ARHGAP40: variants seen among roughly 807,000 people sequenced by gnomAD.
ARHGAP40 encodes Rho GTPase activating protein 40, also known as rho GTPase-activating protein 40.
In ARHGAP40, 43 loss-of-function variants were observed where a neutral mutation model predicts 73.5. The observed-to-expected ratio is 0.58, with a 90% confidence interval of 0.46 to 0.75. The LOEUF (loss-of-function observed/expected upper bound fraction) is 0.75. Among genes scored for constraint, ARHGAP40 ranks in the 30% least tolerant of loss-of-function variants. ARHGAP40 has a pLI of 0.00. For synonymous variants in ARHGAP40, 300 were observed against 352.8 expected, an observed-to-expected ratio of 0.85 and a Z score of 1.68; for missense variants, 734 against 861.8, an observed-to-expected ratio of 0.85 and a Z score of 1.86.
chr20:38,616,282 T>C (rs1467428436), intron 1 of ARHGAP40, among the ~76,000 whole-genome samples: 3 of 152,242 alleles, frequency 2.0e-5, no homozygotes, highest in South Asian at 4.1e-4. Context: ...CTGTTGCTCT[T>C]CCAGCCTTCC....
chr20:38,620,526 C>T (rs1238548408), intron 1 of ARHGAP40, among the ~76,000 whole-genome samples: 2 of 152,158 alleles, frequency 1.3e-5, no homozygotes, highest in East Asian at 1.9e-4. Flanking sequence ...CAAATTGTCA[C>T]GAAAACACAC....
chr20:38,632,767 G>A (rs2088949285), intron 5 of ARHGAP40, among the ~76,000 whole-genome samples: 1 of 151,872 alleles, frequency 6.6e-6, no homozygotes, highest in Non-Finnish European at 1.5e-5. Context: ...CTTGAGGCCA[G>A]AAATTCGAGA....
At chr20:38,615,143 C>T in intron 1 of ARHGAP40, 1 of 957,546 alleles carries the variant, frequency 1.0e-6, no homozygotes, top group South Asian at 1.3e-5. Flanking sequence ...TTTCGTCTGC[C>T]TTCGGGATGT....
chr20:38,640,165 T>TCC (rs1299841582), intron 9 of ARHGAP40, among the ~76,000 whole-genome samples: 3 of 48,880 alleles, frequency 6.1e-5, no homozygotes, highest in African/African-American at 1.6e-4. Flanking sequence ...TCTTTCTTCT[T>TCC]TCTTCTTCTT....
intron 1 of ARHGAP40, among the ~76,000 whole-genome samples, chr20:38,621,707 G>C (rs903506234): frequency 4.6e-5 from 7 of 152,116 alleles, no homozygotes; most frequent in Non-Finnish European, 1.0e-4. Context: ...TGCATTGCTG[G>C]GAATTTTTAC....
chr20:38,629,423 T>G, intron 4 of ARHGAP40, 79 bp from the exon 5 acceptor site: 2 of 1,277,130 alleles, frequency 1.6e-6, no homozygotes, highest in Non-Finnish European at 2.1e-6. Flanking sequence ...ACTAAGGGCC[T>G]AAGTCCCGAA....
In ARHGAP40 at chr20:38,607,837, C is replaced by T. The variant is rs573693735; in HGVS notation, c.137+5758C>T. Among the ~76,000 whole-genome samples the T allele has an allele frequency of 6.0e-4, 92 of 152,274 alleles. No homozygotes were observed. The South Asian group carries it at 0.016, about 27-fold the overall frequency. ...TATTTCGCATTGCCCTGATTACTTGCGAGGCTCCACATCTTTTCACATAGG... is the reference window on the plus strand; with the variant it reads ...TATTTCGCATTGCCCTGATTACTTGTGAGGCTCCACATCTTTTCACATAGG... On this transcript the variant is annotated intron_variant, in intron 1 of 14. Transcript: ENST00000373345.
chr20:38,613,788 G>A (rs1344087541), intron 1 of ARHGAP40, among the ~76,000 whole-genome samples: 2 of 152,164 alleles, frequency 1.3e-5, no homozygotes, highest in African/African-American at 4.8e-5. Flanking sequence ...TTTTATTCTT[G>A]TTGTCTATAA....
At chr20:38,647,200 C>A in intron 13 of ARHGAP40, 74 bp downstream of exon 13, 1 of 1,217,528 alleles carries the variant, frequency 8.2e-7, no homozygotes, top group Non-Finnish European at 1.1e-6. Context: ...TGAAGGCCAC[C>A]AGGGGGTTAC....
chr20:38,643,649 G>A (rs2089033270), intron 10 of ARHGAP40, 55 bp from the exon 11 acceptor site: 1 of 1,266,946 alleles, frequency 7.9e-7, no homozygotes, highest in South Asian at 1.3e-5. Context: ...TGGGGATGGT[G>A]GGGAGGCGCC....
chr20:38,609,658 C>T (rs533832133), intron 1 of ARHGAP40, among the ~76,000 whole-genome samples: 2 of 152,272 alleles, frequency 1.3e-5, no homozygotes, highest in South Asian at 4.1e-4. Flanking sequence ...GAGGTGATGC[C>T]TGAGCTGAGT....
intron 1 of ARHGAP40, among the ~76,000 whole-genome samples, chr20:38,608,944 CCTT>C (rs2088788940): frequency 6.6e-6 from 1 of 152,168 alleles, no homozygotes; most frequent in African/African-American, 2.4e-5. Flanking sequence ...CCGGCTGAGT[CCTT>C]CTCATGCTAC....
At chr20:38,619,629 A>G (rs779129561) in intron 1 of ARHGAP40, among the ~76,000 whole-genome samples, 1 of 143,944 alleles carries the variant, frequency 6.9e-6, no homozygotes, top group Non-Finnish European at 1.5e-5. Context: ...ATCATCTAGT[A>G]TGGCAGTTAA....
intron 1 of ARHGAP40, among the ~76,000 whole-genome samples, chr20:38,607,590 A>G (rs1601131638): frequency 6.6e-6 from 1 of 152,322 alleles, no homozygotes; most frequent in Admixed American, 6.5e-5. Context: ...TAATTACACC[A>G]AGCAGTTAGG....
intron 9 of ARHGAP40, among the ~76,000 whole-genome samples, chr20:38,640,289 T>G (rs1279023294): frequency 6.7e-6 from 1 of 150,330 alleles, no homozygotes; most frequent in African/African-American, 2.4e-5. Context: ...TGATCCTAGC[T>G]CACTGCAGCC....
chr20:38,610,594 T>A (rs940578191), intron 1 of ARHGAP40, among the ~76,000 whole-genome samples: 5 of 152,182 alleles, frequency 3.3e-5, no homozygotes, highest in African/African-American at 4.8e-5. Flanking sequence ...AGCTGTATAA[T>A]GGTTTGGCTG....
At chr20:38,625,813 A>G (rs1039630751) in intron 2 of ARHGAP40, among the ~76,000 whole-genome samples, 5 of 152,242 alleles carry the variant, frequency 3.3e-5, no homozygotes, top group African/African-American at 1.2e-4. Context: ...GTGATGTTGG[A>G]TGCTCCATTT....
In ARHGAP40 at chr20:38,628,901, T is replaced by A. The variant is rs368771030; in HGVS notation, c.559-26T>A. The A allele has an allele frequency of 4.0e-5, 52 of 1,296,468 alleles. No homozygotes were observed. The East Asian group carries it at 1.0e-3, about 25-fold the overall frequency. The allele number at this position is 1,296,468 out of a possible 1,614,324, so 80.3% of individuals were successfully genotyped here. Reference sequence around the variant, plus strand: ...CATTGTCAGCTTCCCACATGAGTAATTGGGCACTGTCTGTAATTTGCATAG... The same window carrying A: ...CATTGTCAGCTTCCCACATGAGTAAATGGGCACTGTCTGTAATTTGCATAG... On this transcript the variant is annotated intron_variant, in intron 3 of 14. Transcript: ENST00000373345.
rs768985937 is a variant in ARHGAP40, at chr20:38,629,479, G to A, written c.635-23G>A. 1.5e-5 allele frequency: 20 copies of A among 1,304,950 alleles called. No homozygotes were observed. The South Asian group carries it at 2.3e-4, about 15-fold the overall frequency. 80.8% of individuals were successfully genotyped at this position (1,304,950 alleles called of 1,614,324 possible). A position where few individuals can be genotyped will look rare whatever the true frequency, so the allele number is the denominator to read the frequency against. On this transcript the variant is annotated intron_variant, in intron 4 of 14. Transcript: ENST00000373345. ...CAGCCAGTTCTCACTGCCTTTCTCTGCTTTGTTTCCCCCGCCCCGCAGCAG... is the reference window on the plus strand; with the variant it reads ...CAGCCAGTTCTCACTGCCTTTCTCTACTTTGTTTCCCCCGCCCCGCAGCAG...
Sources: allele counts gnomAD v4.1 joint callset (sites outside exome capture counted in the v4.1 genomes callset), GRCh38; gene constraint gnomAD v4.1.1; transcripts MANE v1.5; gene names NCBI Gene and HGNC (gene_info 2026-07-23, HGNC 2026-07-21).